The following DNAH2 variants were observed in gnomAD, a reference collection of about 807,000 sequenced individuals.
DNAH2 encodes the protein dynein axonemal heavy chain 2, also known as axonemal beta dynein heavy chain 2.
Under a neutral mutation model 523.5 loss-of-function variants are expected in DNAH2, and 323 were observed. The ratio of observed to expected loss-of-function variants is 0.62; its 90% CI spans 0.56 to 0.68. The LOEUF (loss-of-function observed/expected upper bound fraction) is 0.68. Ranked by LOEUF, DNAH2 falls within the 30% of genes least tolerant of loss-of-function variation. DNAH2 has a pLI of 0.00. For missense variants in DNAH2, 4,907 were observed against 5,701.5 expected, an observed-to-expected ratio of 0.86 and a Z score of 4.49; for synonymous variants, 2,093 against 2,177.4, an observed-to-expected ratio of 0.96 and a Z score of 1.08.
rs2078257382 is a variant in DNAH2 at position 7,833,557 on chromosome 17, A to G, written c.*24A>G. 6.2e-7 allele frequency: 1 copy of G among 1,611,236 alleles called. No individual in the cohort carries two copies. The highest frequency in any genetic ancestry group is 1.3e-5 in the African/African-American group (1 of 74,912). ...GAGACCTCCTCCTCTTCTCCGCTTGAGAGAGAGGGTCAGGGACTCCAGGAG... is the reference window on the plus strand; with the variant it reads ...GAGACCTCCTCCTCTTCTCCGCTTGGGAGAGAGGGTCAGGGACTCCAGGAG... On this transcript the variant is annotated 3_prime_UTR_variant, in exon 86 of 86. Coordinates refer to ENST00000572933, the MANE Select transcript of DNAH2 (RefSeq NM_020877.5).
At position 7,804,278 on chromosome 17, in the gene DNAH2, G is replaced by A; in HGVS notation, c.8995G>A (p.Glu2999Lys). Reference protein sequence around the residue: ...YKKLLGEKRQELLAQANKLRT... With the variant: ...YKKLLGEKRQKLLAQANKLRT... ...CAGGTTGCTGGGAGAAAAACGGCAG[G>A]AGCTGCTGGCCCAAGCCAATAAACT... Residue 2999 changes from glutamate (E) to lysine (K), a missense_variant, in exon 59 of 86, where the codon GAG becomes AAG. By Grantham distance (56) the Glu-to-Lys change is moderately conservative. Around this residue, in one of 3 missense-constraint regions of DNAH2, gnomAD observed 1,851 missense variants for 2,139.4 expected, o/e 0.87. Coordinates refer to ENST00000572933, the MANE Select transcript of DNAH2 (RefSeq NM_020877.5). The A allele has an allele frequency of 6.2e-7, 1 of 1,614,172 alleles. No individual in the cohort carries two copies. The highest frequency in any genetic ancestry group is 8.5e-7 in the Non-Finnish European group (1 of 1,180,036).
At chr17:7,812,394 G>A (rs1203852392) in intron 63 of DNAH2, among the ~76,000 whole-genome samples, 4 of 152,068 alleles carry the variant, frequency 2.6e-5, no homozygotes, top group Non-Finnish European at 5.9e-5. Flanking sequence ...GGGGCCGGGG[G>A]ATTGCTTGAG....
intron 12 of DNAH2, among the ~76,000 whole-genome samples, chr17:7,751,260 T>A (rs1406187024): frequency 6.6e-6 from 1 of 152,044 alleles, no homozygotes; most frequent in East Asian, 1.9e-4. Flanking sequence ...TTCTGGCTAA[T>A]TTTTGGATTT....
chr17:7,809,843 A>G (rs529341248), intron 63 of DNAH2, among the ~76,000 whole-genome samples: 22 of 150,706 alleles, frequency 1.5e-4, no homozygotes, highest in Admixed American at 1.3e-3. Context: ...TGCACCTTAA[A>G]AAAAAAAAAA....
chr17:7,789,046 C>T (rs1333824743), intron 44 of DNAH2, among the ~76,000 whole-genome samples: 1 of 152,156 alleles, frequency 6.6e-6, no homozygotes, highest in African/African-American at 2.4e-5. Context: ...TGCCTGTAGT[C>T]CCAGTTACTT....
At chr17:7,787,718 G>C in intron 42 of DNAH2, 142 bp from the exon 43 acceptor site, 3 of 1,154,094 alleles carry the variant, frequency 2.6e-6, no homozygotes, top group Non-Finnish European at 3.5e-6. Flanking sequence ...CCTGGGTGAC[G>C]GAGTGAGACT....
rs1359783975 is a variant in DNAH2 at position 7,719,882 on chromosome 17, C to A, written c.148C>A (p.Leu50Ile). The change falls in exon 2 of 86, where the codon CTC becomes ATC. Residue 50 changes from leucine to isoleucine, a missense_variant. By Grantham distance (5) the Leu-to-Ile change is conservative. Transcript: ENST00000572933. The part of the protein sequence containing the change: ...AVSEPELQAE[L>I]PKEEPEPRLE... Reference sequence around the variant, plus strand: ...CAGTGAGCCAGAGCTGCAGGCTGAGCTCCCCAAGGAGGAGCCTGGTGGGTA... The same window carrying A: ...CAGTGAGCCAGAGCTGCAGGCTGAGATCCCCAAGGAGGAGCCTGGTGGGTA... The A allele has an allele frequency of 6.4e-7, 1 of 1,568,386 alleles. No homozygotes were observed. Among genetic ancestry groups the A allele is most frequent in the South Asian group, 1.2e-5 (1 of 83,254 alleles).
chr17:7,719,590 T>G, intron 1 of DNAH2, 131 bp from the exon 2 acceptor site: 1 of 1,170,762 alleles, frequency 8.5e-7, no homozygotes. Flanking sequence ...GAGCAGGGTG[T>G]GGGTACCACC....
Position 7,723,651 on chromosome 17 carries a change from G to C in DNAH2, c.190G>C (p.Ala64Pro). The C allele has an allele frequency of 6.2e-7, 1 of 1,614,020 alleles. No individual in the cohort carries two copies. Among genetic ancestry groups the C allele is most frequent in the South Asian group, 1.1e-5 (1 of 91,078 alleles). Residue 64 changes from alanine (A) to proline (P), a missense_variant, in exon 3 of 86, where the codon GCA becomes CCA. Around this residue, in one of 3 missense-constraint regions of DNAH2, gnomAD observed 2,806 missense variants for 3,190.8 expected, o/e 0.88. Coordinates refer to ENST00000572933, the MANE Select transcript of DNAH2 (RefSeq NM_020877.5). ...AGAGCCACGGTTGGAGGGACCTCAA[G>C]CACAGAGTGAAGAATCAGTGGAGCC... ...EPEPRLEGPQ[A>P]QSEESVEPEA...
At chr17:7,775,057 C>T in intron 29 of DNAH2, 81 bp downstream of exon 29, 5 of 1,424,704 alleles carry the variant, frequency 3.5e-6, no homozygotes, top group Non-Finnish European at 4.8e-6. Flanking sequence ...GGGGACCCTG[C>T]CCTCCCAAAA....
intron 39 of DNAH2, among the ~76,000 whole-genome samples, chr17:7,783,568 A>AT (rs2076658600): frequency 6.6e-6 from 1 of 152,126 alleles, no homozygotes; most frequent in African/African-American, 2.4e-5. Flanking sequence ...CACACCTGTA[A>AT]TCCTAGCACT....
intron 11 of DNAH2, 68 bp from the exon 12 acceptor site, chr17:7,742,860 C>G (rs1004393917): frequency 3.9e-5 from 48 of 1,220,178 alleles, no homozygotes; most frequent in Non-Finnish European, 4.9e-5. Context: ...GTGTAGGTCT[C>G]AGGGAGATGG....
At chr17:7,741,243 T>TTTCC (rs2075313069) in intron 11 of DNAH2, among the ~76,000 whole-genome samples, 1 of 28,950 alleles carries the variant, frequency 3.5e-5, no homozygotes, top group Non-Finnish European at 6.2e-5. Flanking sequence ...TCTCTCTTTC[T>TTTCC]TTCTTTCTTT....
Position 7,780,233 on chromosome 17 carries a change from C to T in DNAH2, c.5799C>T (p.Ser1933=). 6.2e-7 allele frequency: 1 copy of T among 1,614,188 alleles called. No individual in the cohort carries two copies. The highest frequency in any genetic ancestry group is 1.1e-5 in the South Asian group (1 of 91,080). The change falls in exon 37 of 86, where the codon TCC becomes TCT. Residue 1933 remains serine, a synonymous_variant. Transcript: ENST00000572933. This position sits in a 1 kb window ranked among gnomAD's most constrained non-coding sequence, Gnocchi z 4.4. ...CAATTGCCATGGTGGTGCCTGACTC[C>T]ACCCTCATTGCAGAAATCATTCTCT... ...FRPIAMVVPD[S]TLIAEIILFG...
chr17:7,826,106 G>A (rs561136727), intron 77 of DNAH2, among the ~76,000 whole-genome samples: 67 of 152,298 alleles, frequency 4.4e-4, no homozygotes, highest in African/African-American at 1.6e-3. Flanking sequence ...CCTGGGCTCC[G>A]CCTCCCAGGT....
rs542109044 is a variant in DNAH2, at chr17:7,736,063, A to AT, written c.979-998dup. On this transcript the variant is annotated intron_variant, in intron 7 of 85. Coordinates refer to ENST00000572933, the MANE Select transcript of DNAH2 (RefSeq NM_020877.5). ...CCACCTCGCCCGGCCTAATTTTTAA[A>AT]TTTTTTGTAGAGACAGGATCTCACT... Among the ~76,000 whole-genome samples the AT allele has an allele frequency of 1.4e-3, 206 of 151,900 alleles. 1 individual carries two copies. Among genetic ancestry groups the AT allele is most frequent in the Non-Finnish European group, 2.2e-3 (150 of 67,934 alleles).
chr17:7,810,419 C>T lies in DNAH2; in HGVS notation c.9729+2833C>T, dbSNP rs146364469. On this transcript the variant is annotated intron_variant, in intron 63 of 85. Transcript: ENST00000572933. ...TCGTTTTGTTTTTGAGAGAGAGTCT[C>T]GCTCTATCACCCAGGCTGGAGCACG... Among the ~76,000 whole-genome samples the T allele has an allele frequency of 4.6e-3, 700 of 152,102 alleles. 1 individual carries two copies. Among genetic ancestry groups the T allele is most frequent in the Admixed American group, 9.3e-3 (141 of 15,242 alleles).
chr17:7,725,455 CAG>C (rs1353949438), intron 3 of DNAH2, among the ~76,000 whole-genome samples: 8 of 91,762 alleles, frequency 8.7e-5, no homozygotes, highest in Admixed American at 7.9e-4. Flanking sequence ...CTTTTTGAGA[CAG>C]AGTCTTGCTC....
At chr17:7,803,727 C>T (rs2077285603) in intron 58 of DNAH2, among the ~76,000 whole-genome samples, 1 of 152,072 alleles carries the variant, frequency 6.6e-6, no homozygotes, top group Non-Finnish European at 1.5e-5. Flanking sequence ...GTAATCCCAG[C>T]ACGTTGGGAG....
Sources: allele counts gnomAD v4.1 joint callset (sites outside exome capture counted in the v4.1 genomes callset), GRCh38; gene constraint gnomAD v4.1.1; regional missense constraint gnomAD v4.1.1; non-coding constraint Gnocchi (gnomAD v3.1); transcripts MANE v1.5; gene names NCBI Gene and HGNC (gene_info 2026-07-23, HGNC 2026-07-21).